The following WIPF1 variants were observed in gnomAD, a reference collection of about 807,000 sequenced individuals.
WIPF1 encodes the protein WAS/WASL interacting protein family member 1.
Under a neutral mutation model 35.4 loss-of-function variants are expected in WIPF1, and 13 were observed. The ratio of observed to expected loss-of-function variants is 0.37; its 90% CI spans 0.24 to 0.58. The LOEUF is 0.58. Among genes scored for constraint, WIPF1 ranks in the 20% least tolerant of loss-of-function variants. The pLI, the probability that WIPF1 is intolerant of heterozygous loss-of-function variation, is 0.74. For synonymous variants in WIPF1, 267 were observed against 266.3 expected (o/e 1.00, Z -0.02); for missense variants, 591 against 667.0 (o/e 0.89, Z 1.25).
chr2:174,681,568 T>G (rs1688245460), intron 1 of WIPF1, among the ~76,000 whole-genome samples: 1 of 152,210 alleles, frequency 6.6e-6, no homozygotes, highest in African/African-American at 2.4e-5. Context: ...CAGTATTGTT[T>G]TGAAATTGCT....
rs527983966 is a variant in WIPF1 at position 174,590,232 on chromosome 2, T to C, written c.-38-4621A>G. On this transcript the variant is annotated intron_variant, in intron 1 of 7. Transcript: ENST00000679041. The surrounding 1 kb of genome is among the most constrained non-coding windows in gnomAD (Gnocchi z 4.6). ...CCTGGCAGATTCAGATGGGAATTTG[T>C]TTTTCCCATCTGTTAAATGGGAAGT... Among the ~76,000 whole-genome samples, 1 of 152,284 alleles carries C rather than the reference T, an allele frequency of 6.6e-6. No homozygotes were observed. The highest frequency in any genetic ancestry group is 2.1e-4 in the South Asian group (1 of 4,826).
rs549731451 is a variant in WIPF1 at position 174,602,946 on chromosome 2, A to G, written c.-38-17335T>C. 5.3e-5 allele frequency among the ~76,000 whole-genome samples: 8 copies of G among 152,326 alleles called. No homozygotes were observed. In the South Asian group the frequency reaches 1.0e-3, roughly 20 times the overall value. On this transcript the variant is annotated intron_variant, in intron 1 of 8. Transcript: ENST00000272746. Reference sequence around the variant, plus strand: ...ATTCACTCCCATTCCAGACAGAGGAAAAGCATGTGATTCAAGGCTGGCTAA... The same window carrying G: ...ATTCACTCCCATTCCAGACAGAGGAGAAGCATGTGATTCAAGGCTGGCTAA...
intron 1 of WIPF1, among the ~76,000 whole-genome samples, chr2:174,629,007 A>C (rs1686932335): frequency 6.6e-6 from 1 of 152,150 alleles, no homozygotes. Context: ...ATAACCTAAC[A>C]TTTTTGCCTT....
Position 174,561,585 on chromosome 2 carries a change from T to C in WIPF1, c.*962A>G, listed in dbSNP as rs1684484803. 6.3e-6 allele frequency: 1 copy of C among 158,004 alleles called. No homozygotes were observed. The highest frequency in any genetic ancestry group is 1.4e-5 in the Non-Finnish European group (1 of 71,152). 9.8% of individuals were successfully genotyped at this position (158,004 alleles called of 1,614,324 possible). A position where few individuals can be genotyped will look rare whatever the true frequency, so the allele number is the denominator to read the frequency against. ...CCTTGGTACTTTGAAGCAACACTTG[T>C]ATACAGATATTAAGGGAAGAGGGAA... On this transcript the variant is annotated 3_prime_UTR_variant, in exon 8 of 8. Coordinates refer to ENST00000679041, the MANE Select transcript of WIPF1 (RefSeq NM_001375834.1).
intron 1 of WIPF1, among the ~76,000 whole-genome samples, chr2:174,619,932 A>G (rs904731470): frequency 1.3e-5 from 2 of 150,080 alleles, no homozygotes; most frequent in Admixed American, 1.3e-4. Flanking sequence ...ACAGGGCAAG[A>G]CTCTGTCTCA....
chr2:174,629,040 CTTT>C (rs1686933448), intron 1 of WIPF1, among the ~76,000 whole-genome samples: 1 of 152,104 alleles, frequency 6.6e-6, no homozygotes, highest in Admixed American at 6.5e-5. Flanking sequence ...ATCCTCTGGC[CTTT>C]TTAGTTCCCC....
chr2:174,568,536 A>G (rs1684737353), intron 5 of WIPF1: 1 of 154,906 alleles, frequency 6.5e-6, no homozygotes. Context: ...TTTGTTGTTA[A>G]TTACAGAAGC....
chr2:174,681,166 G>T lies in WIPF1; in HGVS notation c.-39+1608C>A, dbSNP rs146282260. On this transcript the variant is annotated intron_variant, in intron 1 of 8. Transcript: ENST00000272746. ...TCATGGAGCCAAAGTTATGGCAGGG[G>T]TTGGGTAAGTCCCAGGGAGGAAGAC... Among the ~76,000 whole-genome samples the T allele has an allele frequency of 4.9e-3, 744 of 152,340 alleles. 4 individuals are homozygous for T. The highest frequency in any genetic ancestry group is 0.017 in the Middle Eastern group (5 of 294).
rs184410076 is a variant in WIPF1 at position 174,594,696 on chromosome 2, C to A, written c.-39+2905G>T. Among the ~76,000 whole-genome samples the A allele has an allele frequency of 4.1e-3, 395 of 95,418 alleles. 57 individuals carry two copies. The highest frequency in any genetic ancestry group is 0.013 in the African/African-American group (381 of 28,758). The allele number at this position is 95,418 out of a possible 152,430, so 62.6% of individuals were successfully genotyped here. ...ACTGTTTCTCTCTCTCTCTTTCTCT[C>A]TCTCTCTCTCTCACACACACATACA... is the stretch of plus-strand genomic sequence containing the variant. On this transcript the variant is annotated intron_variant, in intron 1 of 7. Coordinates refer to ENST00000679041, the MANE Select transcript of WIPF1 (RefSeq NM_001375834.1).
chr2:174,662,552 T>C (rs1480771113), intron 1 of WIPF1, among the ~76,000 whole-genome samples: 1 of 152,316 alleles, frequency 6.6e-6, no homozygotes, highest in South Asian at 2.1e-4. Context: ...TCCAACCAAG[T>C]AGAGCTAATC....
chr2:174,607,966 G>C (rs2105893852), intron 1 of WIPF1, among the ~76,000 whole-genome samples: 1 of 152,282 alleles, frequency 6.6e-6, no homozygotes, highest in African/African-American at 2.4e-5. Context: ...TTTGGCTCTA[G>C]GCAAAAAGGT....
At chr2:174,579,218 TGCCTCAGGTGATCCCA>T (rs1216895760) in intron 3 of WIPF1, among the ~76,000 whole-genome samples, 6 of 152,178 alleles carry the variant, frequency 3.9e-5, no homozygotes, top group Admixed American at 2.6e-4. Flanking sequence ...GGTTTCTCCA[TGCCTCAGGTGATCCCA>T]GCCTCAGGTG....
intron 3 of WIPF1, among the ~76,000 whole-genome samples, chr2:174,580,837 T>A (rs1201700919): frequency 6.6e-6 from 1 of 152,232 alleles, no homozygotes; most frequent in African/African-American, 2.4e-5. Flanking sequence ...TTTACAGGCA[T>A]TATCTCATTT....
intron 1 of WIPF1, among the ~76,000 whole-genome samples, chr2:174,680,201 A>T (rs966297033): frequency 6.6e-6 from 1 of 152,188 alleles, no homozygotes; most frequent in African/African-American, 2.4e-5. Context: ...TCTCTTTCTG[A>T]GCTACATCTT....
In WIPF1 at chr2:174,593,172, C is replaced by G. The variant is rs139435523; in HGVS notation, c.-39+4429G>C. Among the ~76,000 whole-genome samples the G allele has an allele frequency of 2.1e-3, 316 of 151,978 alleles. 2 individuals are homozygous for G. The highest frequency in any genetic ancestry group is 6.9e-3 in the African/African-American group (285 of 41,408). ...TTGGGGGTAATAACCAGAGGTAACTCTTTGTTATTTTGATACATGTCCTTC... is the reference window on the plus strand; with the variant it reads ...TTGGGGGTAATAACCAGAGGTAACTGTTTGTTATTTTGATACATGTCCTTC... On this transcript the variant is annotated intron_variant, in intron 1 of 7. Coordinates refer to ENST00000679041, the MANE Select transcript of WIPF1 (RefSeq NM_001375834.1).
chr2:174,571,986 G>A lies in WIPF1; in HGVS notation c.819C>T (p.Asn273=), dbSNP rs770110301. ...CCGCTTCCCTGTGGATGGAGGGCCTGTTGCCCACTGGAGGAGGTGGTGGAG... is the reference window on the plus strand; with the variant it reads ...CCGCTTCCCTGTGGATGGAGGGCCTATTGCCCACTGGAGGAGGTGGTGGAG... ...KPPPPPPPVG[N]RPSIHREAVP... is the part of the protein sequence containing the mutation. Residue 273 remains asparagine, a synonymous_variant, in exon 5 of 8, where the codon AAC becomes AAT. Coordinates refer to ENST00000679041, the MANE Select transcript of WIPF1 (RefSeq NM_001375834.1). The surrounding 1 kb of genome is among the most constrained non-coding windows in gnomAD (Gnocchi z 4.6). The A allele has an allele frequency of 6.4e-7, 1 of 1,555,352 alleles. No homozygotes were observed. The highest frequency in any genetic ancestry group is 1.2e-5 in the South Asian group (1 of 80,504).
At chr2:174,641,784 C>G (rs1289034279) in intron 1 of WIPF1, among the ~76,000 whole-genome samples, 2 of 152,224 alleles carry the variant, frequency 1.3e-5, no homozygotes, top group Non-Finnish European at 1.5e-5. Flanking sequence ...AACCATTTAC[C>G]AAGCCTGTGC....
intron 1 of WIPF1, among the ~76,000 whole-genome samples, chr2:174,679,251 A>C (rs13404315): frequency 0.31 from 47,429 of 151,984 alleles, 7,803 homozygotes; most frequent in African/African-American, 0.38. Context: ...TAGGCCGATC[A>C]CGAGGTCAGG....
intron 1 of WIPF1, among the ~76,000 whole-genome samples, chr2:174,655,062 G>A (rs1687613001): frequency 6.6e-6 from 1 of 152,142 alleles, no homozygotes; most frequent in Non-Finnish European, 1.5e-5. Flanking sequence ...ATTTCCATGA[G>A]GTCCAACCAT....
Sources: gnomAD v4.1 joint callset for allele counts (sites outside exome capture counted in the v4.1 genomes callset) on GRCh38, gnomAD v4.1.1 for gene constraint, Gnocchi (gnomAD v3.1) non-coding constraint, MANE v1.5 for transcripts, NCBI Gene and HGNC (gene_info 2026-07-23, HGNC 2026-07-21) for gene names.